Variants in LMO1 observed in about 807,000 individuals in gnomAD.
LMO1 encodes the protein rhombotin-1.
In LMO1, 10 loss-of-function variants were observed where a neutral mutation model predicts 18.0. The ratio of observed to expected loss-of-function variants is 0.55; its 90% CI spans 0.34 to 0.94. The LOEUF (loss-of-function observed/expected upper bound fraction) is 0.94, where lower values mean the gene tolerates loss of function less well. Ranked by LOEUF, LMO1 falls within the 40% of genes least tolerant of loss-of-function variation. LMO1 has a pLI of 0.02. For missense variants in LMO1, 183 were observed against 205.7 expected, an observed-to-expected ratio of 0.89 and a Z score of 0.68; for synonymous variants, 77 against 77.9, an observed-to-expected ratio of 0.99 and a Z score of 0.06.
intron 1 of LMO1, among the ~76,000 whole-genome samples, chr11:8,248,234 G>A (rs112128269): frequency 6.6e-6 from 1 of 152,232 alleles, no homozygotes; most frequent in Non-Finnish European, 1.5e-5. Context: ...GAATTCTAAA[G>A]ATTTCACATC....
At chr11:8,243,478 G>A (rs1846833485) in intron 1 of LMO1, among the ~76,000 whole-genome samples, 1 of 152,182 alleles carries the variant, frequency 6.6e-6, no homozygotes, top group Admixed American at 6.5e-5. Context: ...GTCTTGCAGT[G>A]CAGCCCCTGT....
At chr11:8,226,640 A>G (rs566691971) in intron 3 of LMO1, among the ~76,000 whole-genome samples, 72 of 152,354 alleles carry the variant, frequency 4.7e-4, no homozygotes, top group African/African-American at 1.6e-3. Flanking sequence ...TCCATCATGC[A>G]CATGTGCCCA....
chr11:8,228,491 C>T (rs1279215564), intron 2 of LMO1, among the ~76,000 whole-genome samples: 3 of 152,218 alleles, frequency 2.0e-5, no homozygotes, highest in East Asian at 3.9e-4. Context: ...CATCTGCCTG[C>T]CAAGAGGGGC....
At chr11:8,240,005 G>A (rs972433637) in intron 1 of LMO1, among the ~76,000 whole-genome samples, 2 of 152,190 alleles carry the variant, frequency 1.3e-5, no homozygotes, top group Admixed American at 6.5e-5. Flanking sequence ...TGGCCAAAGC[G>A]AGGCTGCAGA....
chr11:8,241,800 AC>A (rs1199598567), intron 1 of LMO1, among the ~76,000 whole-genome samples: 261 of 149,702 alleles, frequency 1.7e-3, no homozygotes, highest in African/African-American at 6.4e-3. Context: ...AAAAAAAAAA[AC>A]AAAAAAAAGT....
chr11:8,265,159 G>A (rs1055838122), upstream of LMO1, among the ~76,000 whole-genome samples: 10 of 152,238 alleles, frequency 6.6e-5, no homozygotes, highest in Non-Finnish European at 1.5e-4. Flanking sequence ...ATTACCAACA[G>A]TGGACCTTAG....
rs199643176 is a variant in LMO1, at chr11:8,224,574, C to A, written c.*42G>T. 2.3e-6 allele frequency: 3 copies of A among 1,293,350 alleles called. No homozygotes were observed. Among genetic ancestry groups the A allele is most frequent in the South Asian group, 1.3e-5 (1 of 78,772 alleles). 80.1% of individuals were successfully genotyped at this position (1,293,350 alleles called of 1,614,324 possible). On this transcript the variant is annotated 3_prime_UTR_variant, in exon 4 of 4. Coordinates refer to ENST00000335790, the MANE Select transcript of LMO1 (RefSeq NM_002315.3). ...CTGGCCGGCCAGGCAGGTGGGCAGG[C>A]GGGCAGATGGACAGACGGGCCTGGA...
intron 1 of LMO1, among the ~76,000 whole-genome samples, chr11:8,250,261 A>T (rs1846967094): frequency 6.6e-6 from 1 of 152,150 alleles, no homozygotes; most frequent in South Asian, 2.1e-4. Flanking sequence ...GGAAGATTTG[A>T]TTCTTCTGTC....
chr11:8,237,138 C>T (rs940280258), intron 1 of LMO1, among the ~76,000 whole-genome samples: 1 of 151,420 alleles, frequency 6.6e-6, no homozygotes, highest in African/African-American at 2.4e-5. Context: ...ATCCTTATGC[C>T]TACTTCAGCT....
In LMO1 at chr11:8,230,488, G is replaced by A. The variant is rs756065404; in HGVS notation, c.42C>T (p.Ser14=). Residue 14 remains serine, a synonymous_variant, in exon 2 of 4, where the codon TCC becomes TCT. Transcript: ENST00000335790. Reference sequence around the variant, plus strand: ...CCTTCTGCTTCCCTTTGGGCTGGACGGAGAGCATCGGCACGCCTGCAGACG... The same window carrying A: ...CCTTCTGCTTCCCTTTGGGCTGGACAGAGAGCATCGGCACGCCTGCAGACG... ...LDKEDGVPML[S]VQPKGKQKGC... The A allele has an allele frequency of 1.4e-5, 22 of 1,612,452 alleles. No homozygotes were observed. Among genetic ancestry groups the A allele is most frequent in the Admixed American group, 5.0e-5 (3 of 60,000 alleles).
intron 2 of LMO1, among the ~76,000 whole-genome samples, chr11:8,228,809 TAG>T (rs1276982370): frequency 1.3e-5 from 2 of 152,174 alleles, no homozygotes; most frequent in East Asian, 3.9e-4. Flanking sequence ...CCTAACCTGG[TAG>T]AGTCAGCCCC....
chr11:8,242,731 G>T (rs1350311905), intron 1 of LMO1, among the ~76,000 whole-genome samples: 1 of 152,182 alleles, frequency 6.6e-6, no homozygotes, highest in Non-Finnish European at 1.5e-5. Flanking sequence ...ATGAAACAGG[G>T]CTCCCAAGAG....
At chr11:8,255,983 G>A (rs1013744839) in intron 1 of LMO1, among the ~76,000 whole-genome samples, 2 of 152,004 alleles carry the variant, frequency 1.3e-5, no homozygotes, top group South Asian at 2.1e-4. Flanking sequence ...CCGCCACCAC[G>A]CCCGGCTAAT....
Position 8,237,566 on chromosome 11 carries a change from C to T in LMO1, c.26-7062G>A, listed in dbSNP as rs186898704. ...CAACGAGAACAACTGTTGAAACGCG[C>T]GGCTACAGCCACCCAGAGCACGCTC... On this transcript the variant is annotated intron_variant, in intron 1 of 3. Coordinates refer to ENST00000335790, the MANE Select transcript of LMO1 (RefSeq NM_002315.3). Among the ~76,000 whole-genome samples the T allele has an allele frequency of 1.0e-3, 156 of 152,360 alleles. 1 individual carries two copies. The highest frequency in any genetic ancestry group is 1.3e-3 in the Non-Finnish European group (91 of 68,036).
chr11:8,239,468 A>G (rs1291608891), intron 1 of LMO1, among the ~76,000 whole-genome samples: 3 of 152,226 alleles, frequency 2.0e-5, no homozygotes, highest in Non-Finnish European at 4.4e-5. Flanking sequence ...AAGGGAGCAG[A>G]GGGCCATGTA....
chr11:8,239,270 C>T (rs1021272101), intron 1 of LMO1, among the ~76,000 whole-genome samples: 3 of 152,084 alleles, frequency 2.0e-5, no homozygotes, highest in African/African-American at 7.2e-5. Context: ...AGATCAGGGC[C>T]CGGGCTAAAA....
At chr11:8,240,516 A>G (rs139740062) in intron 1 of LMO1, among the ~76,000 whole-genome samples, 2,452 of 152,256 alleles carry the variant, frequency 0.016, 46 homozygotes, top group Non-Finnish European at 0.021. Context: ...TAAACAATTG[A>G]AATTTATTTC....
intron 1 of LMO1, among the ~76,000 whole-genome samples, chr11:8,254,662 T>C (rs1847059745): frequency 6.6e-6 from 1 of 151,124 alleles, no homozygotes; most frequent in African/African-American, 2.4e-5. Context: ...TGGGCTCCCA[T>C]GGCAGCCCCA....
chr11:8,256,768 C>G (rs905027830), intron 1 of LMO1, among the ~76,000 whole-genome samples: 2 of 152,150 alleles, frequency 1.3e-5, no homozygotes, highest in Non-Finnish European at 2.9e-5. Flanking sequence ...GACATAGGAA[C>G]AAGGGAATAG....
Sources: allele counts gnomAD v4.1 joint callset (sites outside exome capture counted in the v4.1 genomes callset), GRCh38; gene constraint gnomAD v4.1.1; transcripts MANE v1.5; gene names NCBI Gene and HGNC (gene_info 2026-07-23, HGNC 2026-07-21).